The following TMEM164 variants were observed in gnomAD, a reference collection of about 807,000 sequenced individuals.
TMEM164 encodes the protein RP13-360B22.2.
TMEM164 carries 4 observed loss-of-function variants against 18.8 expected under a neutral mutation model. The observed-to-expected ratio is 0.21, with a 90% CI of 0.10 to 0.49. The LOEUF is 0.49. Among genes scored for constraint, TMEM164 ranks in the 20% least tolerant of loss-of-function variants. The pLI is 0.98. For synonymous variants in TMEM164, 86 were observed against 101.7 expected, an observed-to-expected ratio of 0.85 and a Z score of 0.93; for missense variants, 108 against 239.9, an observed-to-expected ratio of 0.45 and a Z score of 3.63.
At chrX:110,131,319 A>G (rs978491012) in intron 4 of TMEM164, among the ~76,000 whole-genome samples, 4 of 111,719 alleles carry the variant, frequency 3.6e-5, no homozygotes, top group Non-Finnish European at 7.5e-5. Context: ...CTCTAGTGCT[A>G]GTGGAGGGTT....
At chrX:110,124,332 A>G (rs757291061) in intron 4 of TMEM164, among the ~76,000 whole-genome samples, 1 of 111,357 alleles carries the variant, frequency 9.0e-6, no homozygotes, top group Non-Finnish European at 1.9e-5. Flanking sequence ...AACTGGCAAG[A>G]TGAATTCAGT....
chrX:110,064,629 A>C (rs747794017), intron 2 of TMEM164, among the ~76,000 whole-genome samples: 1 of 110,688 alleles, frequency 9.0e-6, no homozygotes, highest in South Asian at 3.9e-4. Context: ...AATGTAATGT[A>C]ATAAATAATC....
At chrX:110,173,190 G>A in intron 6 of TMEM164, 55 bp from the exon 7 acceptor site, 1 of 1,157,523 alleles carries the variant, frequency 8.6e-7, no homozygotes, top group Non-Finnish European at 1.2e-6. Context: ...ACTGGCAGAA[G>A]CCAGAGAAAG....
At chrX:110,119,702 T>C (rs1480902649) in intron 4 of TMEM164, among the ~76,000 whole-genome samples, 1 of 111,447 alleles carries the variant, frequency 9.0e-6, no homozygotes, top group Middle Eastern at 4.2e-3. Context: ...AAATGGTGCT[T>C]GGTTGAACGG....
At chrX:110,165,990 T>C (rs1401392993) in intron 5 of TMEM164, among the ~76,000 whole-genome samples, 2 of 112,081 alleles carry the variant, frequency 1.8e-5, no homozygotes, top group Non-Finnish European at 3.8e-5. Context: ...TGGCTTCTCA[T>C]TGTATATAAG....
intron 4 of TMEM164, among the ~76,000 whole-genome samples, chrX:110,144,511 A>G (rs1245774829): frequency 1.8e-5 from 2 of 111,723 alleles, no homozygotes; most frequent in African/African-American, 6.5e-5. Context: ...GAAACCACCA[A>G]GGGGATATAT....
chrX:110,166,238 C>T (rs749352919), intron 5 of TMEM164, among the ~76,000 whole-genome samples: 47 of 112,472 alleles, frequency 4.2e-4, no homozygotes, highest in African/African-American at 1.5e-3. Flanking sequence ...TCTGGTTCTG[C>T]AAAGCTCACC....
At chrX:110,124,183 G>GC (rs1180453420) in intron 4 of TMEM164, among the ~76,000 whole-genome samples, 25 of 109,223 alleles carry the variant, frequency 2.3e-4, no homozygotes, top group East Asian at 8.6e-4. Context: ...AGGAAGGCAG[G>GC]AAGGCAGGCA....
chrX:110,108,566 A>T (rs1424596978), intron 3 of TMEM164, among the ~76,000 whole-genome samples: 1 of 112,273 alleles, frequency 8.9e-6, no homozygotes. Flanking sequence ...AAAGTGGGGA[A>T]ATATAGTTTG....
chrX:110,056,088 C>T (rs1333710714), intron 2 of TMEM164, among the ~76,000 whole-genome samples: 1 of 111,332 alleles, frequency 9.0e-6, no homozygotes, highest in Non-Finnish European at 1.9e-5. Context: ...TTAGTATATT[C>T]ACATATATGT....
intron 2 of TMEM164, among the ~76,000 whole-genome samples, chrX:110,059,709 T>C: frequency 2.7e-5 from 3 of 112,447 alleles, no homozygotes; most frequent in Middle Eastern, 9.1e-3. Flanking sequence ...ATAAATTTTC[T>C]TAAAACATTA....
At chrX:110,153,561 G>A (rs150264624) in intron 5 of TMEM164, among the ~76,000 whole-genome samples, 6 of 111,124 alleles carry the variant, frequency 5.4e-5, no homozygotes, top group African/African-American at 9.8e-5. Context: ...GTCATCTCTC[G>A]GTATCCATGG....
intron 4 of TMEM164, among the ~76,000 whole-genome samples, chrX:110,125,327 G>A (rs768912894): frequency 9.0e-5 from 10 of 111,666 alleles, no homozygotes; most frequent in African/African-American, 2.9e-4. Flanking sequence ...TGATTGTTGC[G>A]GGGAGGAATA....
At chrX:110,089,322 C>A (rs1269232774) in intron 3 of TMEM164, among the ~76,000 whole-genome samples, 1 of 111,184 alleles carries the variant, frequency 9.0e-6, no homozygotes, top group Admixed American at 9.6e-5. Flanking sequence ...CTCAGCTTCC[C>A]GAGTAGCTGA....
Position 110,173,379 on chromosome X carries a change from C to T in TMEM164, c.822C>T (p.Phe274=). The change falls in exon 7 of 7, where the codon TTC becomes TTT. Residue 274 remains phenylalanine, a synonymous_variant. Coordinates refer to ENST00000372068, the MANE Select transcript of TMEM164 (RefSeq NM_032227.4). ...TMTHGKLVIL[F]SYMAGPLCKY... ...CCCACGGGAAGCTGGTCATCCTGTT[C>T]TCATACATGGCTGGGCCCTTGTGTA... 1 of 1,211,749 alleles carries T rather than the reference C, an allele frequency of 8.3e-7. No homozygotes were observed. The highest frequency in any genetic ancestry group is 1.8e-5 in the South Asian group (1 of 56,976).
chrX:110,135,726 G>A (rs1251107214), intron 4 of TMEM164, among the ~76,000 whole-genome samples: 8 of 111,646 alleles, frequency 7.2e-5, no homozygotes, highest in Non-Finnish European at 1.5e-4. Context: ...AGTTGAAATA[G>A]TAGCATAGTG....
chrX:110,114,763 C>T (rs1602649731), intron 4 of TMEM164, among the ~76,000 whole-genome samples: 1 of 111,989 alleles, frequency 8.9e-6, no homozygotes, highest in East Asian at 2.8e-4. Context: ...TCTAGCCTGG[C>T]CTGCATTTGT....
In TMEM164 at chrX:110,173,510, G is replaced by A; in HGVS notation, c.*59G>A. On this transcript the variant is annotated 3_prime_UTR_variant, in exon 7 of 7. Coordinates refer to ENST00000372068, the MANE Select transcript of TMEM164 (RefSeq NM_032227.4). ...GAAGCAAGTCGTGACTTGACTTGGA[G>A]AACACCCAGTTCTTGATAAAATCAT... 9.9e-7 allele frequency: 1 copy of A among 1,006,201 alleles called. No individual in the cohort carries two copies. Among genetic ancestry groups the A allele is most frequent in the Non-Finnish European group, 1.4e-6 (1 of 730,824 alleles). The allele number at this position is 1,006,201 out of a possible 1,213,427, so 82.9% of individuals were successfully genotyped here. A position where few individuals can be genotyped will look rare whatever the true frequency, so the allele number is the denominator to read the frequency against.
chrX:110,161,032 C>A (rs761669477), intron 5 of TMEM164, among the ~76,000 whole-genome samples: 10 of 112,297 alleles, frequency 8.9e-5, no homozygotes, highest in African/African-American at 3.2e-4. Flanking sequence ...GAAATACAGG[C>A]AATTCAGATG....
Sources: allele counts gnomAD v4.1 joint callset (sites outside exome capture counted in the v4.1 genomes callset), GRCh38; gene constraint gnomAD v4.1.1; transcripts MANE v1.5; gene names NCBI Gene and HGNC (gene_info 2026-07-23, HGNC 2026-07-21).